NUMB: variants seen among roughly 807,000 people sequenced by gnomAD.
The protein encoded by NUMB is NUMB endocytic adaptor protein, also known as protein numb homolog.
Under a neutral mutation model 59.7 loss-of-function variants are expected in NUMB, and 29 were observed. That is an observed-to-expected ratio of 0.49 (90% CI 0.36 to 0.66). NUMB has a LOEUF of 0.66. NUMB is among the 30% of genes least tolerant of loss of function. The pLI is 0.00. For synonymous variants in NUMB, 288 were observed against 288.2 expected (o/e 1.00, Z 0.01); for missense variants, 723 against 822.0 (o/e 0.88, Z 1.47).
chr14:73,400,545 G>A (rs1358270669), intron 2 of NUMB, among the ~76,000 whole-genome samples: 1 of 152,160 alleles, frequency 6.6e-6, no homozygotes, highest in African/African-American at 2.4e-5. Flanking sequence ...CTGGAGTGAT[G>A]AGTATCTTTT....
At chr14:73,439,566 A>C (rs1245529321) in intron 1 of NUMB, among the ~76,000 whole-genome samples, 2 of 152,210 alleles carry the variant, frequency 1.3e-5, no homozygotes, top group African/African-American at 4.8e-5. Context: ...TTATGGATTT[A>C]AATTTATCAA....
chr14:73,442,225 A>C (rs1566799267), intron 1 of NUMB, among the ~76,000 whole-genome samples: 1 of 151,168 alleles, frequency 6.6e-6, no homozygotes, highest in Non-Finnish European at 1.5e-5. Context: ...AAAAAAAAAA[A>C]CGGGCAGGAG....
chr14:73,344,944 ATTAC>A (rs1338161619), intron 4 of NUMB, among the ~76,000 whole-genome samples: 1 of 152,250 alleles, frequency 6.6e-6, no homozygotes, highest in Non-Finnish European at 1.5e-5. Flanking sequence ...TTCTTAGTAT[ATTAC>A]TTTAATTGAT....
Position 73,292,854 on chromosome 14 carries a change from C to T in NUMB, c.330G>A (p.Thr110=), listed in dbSNP as rs779368932. 13 of 1,614,144 alleles carry T rather than the reference C, an allele frequency of 8.1e-6. No individual in the cohort carries two copies. Among genetic ancestry groups the T allele is most frequent in the South Asian group, 5.5e-5 (5 of 91,084 alleles). Residue 110 remains threonine, a synonymous_variant, in exon 8 of 13, where the codon ACG becomes ACA. Coordinates refer to ENST00000555238, the MANE Select transcript of NUMB (RefSeq NM_001005743.2). ...GGGCACAGAAAGAAACTTTCTCTAT[C>T]GTCTGGTCAACTATGAGGTCCTAGA... is the stretch of plus-strand genomic sequence containing the variant. The part of the protein sequence containing the change: ...EKTKDLIVDQ[T]IEKVSFCAPD...
At chr14:73,445,345 A>G (rs1883394367) in intron 1 of NUMB, among the ~76,000 whole-genome samples, 1 of 121,846 alleles carries the variant, frequency 8.2e-6, no homozygotes, top group Admixed American at 1.0e-4. Context: ...ACAAAGTGAG[A>G]CCCTGTCTCA....
chr14:73,290,842 T>G (rs1459107731), intron 8 of NUMB, among the ~76,000 whole-genome samples: 1 of 152,174 alleles, frequency 6.6e-6, no homozygotes, highest in African/African-American at 2.4e-5. Context: ...TTCTGTTGAG[T>G]GTCATGTCGG....
At chr14:73,374,099 AC>A (rs1328576674) in intron 2 of NUMB, among the ~76,000 whole-genome samples, 1 of 151,884 alleles carries the variant, frequency 6.6e-6, no homozygotes, top group African/African-American at 2.4e-5. Flanking sequence ...CGAACCCCTG[AC>A]CTTAGGTGAT....
rs149723015 is a variant in NUMB, at chr14:73,396,558, C to T, written c.-101+13379G>A. ...TTGTTGTTTTTTTGTTTTGGAGAAA[C>T]GAGGCCTTGCTATGTTACCTGGGCT... On this transcript the variant is annotated intron_variant, in intron 2 of 12. Transcript: ENST00000555238. Among the ~76,000 whole-genome samples, 161 of 151,652 alleles carry T rather than the reference C, an allele frequency of 1.1e-3. No homozygotes were observed. In the East Asian group the frequency reaches 0.014, roughly 13 times the overall value.
chr14:73,407,252 G>C (rs1275183254), intron 2 of NUMB, among the ~76,000 whole-genome samples: 1 of 152,040 alleles, frequency 6.6e-6, no homozygotes, highest in Non-Finnish European at 1.5e-5. Context: ...ATGAGTTTGA[G>C]ACAAGCCTGG....
At chr14:73,438,630 CAAAAA>C (rs35633693) in intron 1 of NUMB, among the ~76,000 whole-genome samples, 2 of 66,706 alleles carry the variant, frequency 3.0e-5, no homozygotes, top group East Asian at 5.2e-4. Flanking sequence ...GACTCTGCCT[CAAAAA>C]AAAAAAAAAA....
At chr14:73,416,087 T>G (rs1192119849) in intron 1 of NUMB, among the ~76,000 whole-genome samples, 1 of 152,212 alleles carries the variant, frequency 6.6e-6, no homozygotes, top group Non-Finnish European at 1.5e-5. Context: ...TGACATTTTA[T>G]GCCACTTCCT....
chr14:73,374,725 T>A (rs1894867160), intron 2 of NUMB, among the ~76,000 whole-genome samples: 1 of 147,458 alleles, frequency 6.8e-6, no homozygotes, highest in Non-Finnish European at 1.5e-5. Flanking sequence ...TTAACTTTTT[T>A]TTTTTTTTTT....
intron 3 of NUMB, among the ~76,000 whole-genome samples, chr14:73,361,201 A>T (rs1894082365): frequency 6.6e-6 from 1 of 152,078 alleles, no homozygotes. Flanking sequence ...ATAGTTTCTA[A>T]TTACTTTGTT....
At chr14:73,401,160 C>T (rs1430908685) in intron 2 of NUMB, among the ~76,000 whole-genome samples, 1 of 152,266 alleles carries the variant, frequency 6.6e-6, no homozygotes, top group Non-Finnish European at 1.5e-5. Context: ...AAAGAATTGA[C>T]TGGGTTGCTG....
At chr14:73,374,152 G>A (rs1594962190) in intron 2 of NUMB, among the ~76,000 whole-genome samples, 1 of 152,120 alleles carries the variant, frequency 6.6e-6, no homozygotes, top group South Asian at 2.1e-4. Flanking sequence ...TTATAGGCGT[G>A]AGCCACCACG....
intron 11 of NUMB, among the ~76,000 whole-genome samples, chr14:73,279,831 T>C (rs1042083540): frequency 2.6e-5 from 4 of 152,230 alleles, no homozygotes; most frequent in Non-Finnish European, 4.4e-5. Flanking sequence ...TCTTCACTTT[T>C]CCAAAAGGTC....
At chr14:73,430,561 G>A (rs1225704852) in intron 1 of NUMB, among the ~76,000 whole-genome samples, 2 of 152,196 alleles carry the variant, frequency 1.3e-5, no homozygotes, top group South Asian at 2.1e-4. Flanking sequence ...TTGAGCCTAG[G>A]GGGTCGAGGC....
intron 4 of NUMB, 54 bp downstream of exon 4, chr14:73,355,572 A>G (rs1049711797): frequency 1.2e-5 from 19 of 1,529,298 alleles, no homozygotes; most frequent in Non-Finnish European, 1.6e-5. Flanking sequence ...TTTCACATAC[A>G]CTAGATTGTC....
chr14:73,355,091 C>T (rs986242132), intron 4 of NUMB, among the ~76,000 whole-genome samples: 4 of 152,192 alleles, frequency 2.6e-5, no homozygotes, highest in African/African-American at 9.7e-5. Context: ...CTGTACATCA[C>T]TGCCTTCTCA....
Sources: allele counts gnomAD v4.1 joint callset (sites outside exome capture counted in the v4.1 genomes callset), GRCh38; gene constraint gnomAD v4.1.1; transcripts MANE v1.5; gene names NCBI Gene and HGNC (gene_info 2026-07-23, HGNC 2026-07-21).